The following CKAP2 variants were observed in gnomAD, a reference collection of about 807,000 sequenced individuals.
The protein encoded by CKAP2 is cytoskeleton-associated protein 2.
CKAP2 carries 46 observed loss-of-function variants against 58.4 expected under a neutral mutation model. The ratio of observed to expected loss-of-function variants is 0.79; its 90% confidence interval spans 0.62 to 1.01. The LOEUF (loss-of-function observed/expected upper bound fraction) is 1.01, where lower values mean the gene tolerates loss of function less well. Ranked by LOEUF, CKAP2 falls within the 50% of genes least tolerant of loss-of-function variation. CKAP2 has a pLI of 0.00. For synonymous variants in CKAP2, 293 were observed against 280.9 expected (o/e 1.04, Z -0.43); for missense variants, 809 against 796.4 (o/e 1.02, Z -0.19).
At chr13:52,459,995 G>C (rs1286700938) in intron 2 of CKAP2, among the ~76,000 whole-genome samples, 1 of 151,880 alleles carries the variant, frequency 6.6e-6, no homozygotes, top group East Asian at 1.9e-4. Context: ...AAGTAGCTGG[G>C]ACTATGGCAC....
At chr13:52,456,164 A>T (rs540983410) in intron 1 of CKAP2, 1 of 1,046,122 alleles carries the variant, frequency 9.6e-7, no homozygotes, top group South Asian at 4.2e-5. Context: ...AGTAATTCTC[A>T]TCTAACCCAG....
chr13:52,455,643 CGGTGGCGGTGGCGGT>C lies in CKAP2; in HGVS notation c.70+20_70+34del, dbSNP rs1958464441. 5 of 236,822 alleles carry C rather than the reference CGGTGGCGGTGGCGGT, an allele frequency of 2.1e-5. No homozygotes were observed. The highest frequency in any genetic ancestry group is 2.0e-5 in the Non-Finnish European group (3 of 150,054). 14.7% of individuals were successfully genotyped at this position (236,822 alleles called of 1,614,324 possible). A position where few individuals can be genotyped will look rare whatever the true frequency, so the allele number is the denominator to read the frequency against. ...CATTCAAAGGTGAAGGCCGCGGTGG[CGGTGGCGGTGGCGGT>C]GGCGGTGGCGGTGGCGGGCGCGGGC... On this transcript the variant is annotated intron_variant, in intron 1 of 8. Transcript: ENST00000258607.
At chr13:52,455,911 G>GGTCGGT (rs1958470895) in intron 1 of CKAP2, 1 of 1,144,484 alleles carries the variant, frequency 8.7e-7, no homozygotes. Context: ...CTCAGGCCGG[G>GGTCGGT]GTCGGTGTCG....
chr13:52,465,555 A>T, intron 6 of CKAP2, 90 bp downstream of exon 6: 1 of 1,208,136 alleles, frequency 8.3e-7, no homozygotes. Context: ...ACTTGAGAAA[A>T]TTTTCTTTGT....
chr13:52,465,936 T>TATATATACACATATATATGCACAC (rs1224405977), intron 6 of CKAP2: 16 of 303,492 alleles, frequency 5.3e-5, no homozygotes, highest in African/African-American at 3.5e-4. Context: ...TATACACACA[T>TATATATACACATATATATGCACAC]ATATATACAC....
At chr13:52,472,677 T>C (rs1256067062) in intron 7 of CKAP2, among the ~76,000 whole-genome samples, 1 of 152,212 alleles carries the variant, frequency 6.6e-6, no homozygotes, top group African/African-American at 2.4e-5. Flanking sequence ...TTTATGACTC[T>C]TAAGAAATGT....
chr13:52,459,925 C>T (rs750880140), intron 2 of CKAP2, among the ~76,000 whole-genome samples: 9 of 152,102 alleles, frequency 5.9e-5, no homozygotes, highest in East Asian at 1.9e-4. Flanking sequence ...AGTGCAGTGA[C>T]GGGATCTTGG....
At chr13:52,458,188 G>A (rs9536080) in intron 2 of CKAP2, among the ~76,000 whole-genome samples, 6,039 of 152,196 alleles carry the variant, frequency 0.04, 138 homozygotes, top group South Asian at 0.07. Context: ...AATGAATGGT[G>A]ATAACCGTAT....
At chr13:52,474,206 A>G in intron 8 of CKAP2, 122 bp downstream of exon 8, 1 of 1,013,162 alleles carries the variant, frequency 9.9e-7, no homozygotes, top group Non-Finnish European at 1.4e-6. Flanking sequence ...AAATTTCAGT[A>G]CGGGCATGGT....
In CKAP2 at chr13:52,461,608, G is replaced by T; in HGVS notation, c.782G>T (p.Ser261Ile). 6.2e-7 allele frequency: 1 copy of T among 1,614,144 alleles called. No homozygotes were observed. Among genetic ancestry groups the T allele is most frequent in the Non-Finnish European group, 8.5e-7 (1 of 1,180,030 alleles). The change falls in exon 4 of 9, where the codon AGT becomes ATT. Residue 261 changes from serine to isoleucine, a missense_variant. Around this residue, in one of 3 missense-constraint regions of CKAP2, gnomAD observed 523 missense variants for 492.4 expected, o/e 1.06. Coordinates refer to ENST00000258607, the MANE Select transcript of CKAP2 (RefSeq NM_018204.5). The part of the protein sequence containing the change: ...LVRPPIRSHH[S>I]NTRDTVKQGI... ...CGACCTCCTATTAGAAGTCATCACA[G>T]TAATACCCGGGACACTGTGAAACAA...
In CKAP2 at chr13:52,475,461, G is replaced by T; in HGVS notation, c.*320G>T. ...GTTCACTTTACTAAATATAAGTACA[G>T]TAATGATGCATAATTAGAAAATGAG... On this transcript the variant is annotated 3_prime_UTR_variant, in exon 9 of 9. Coordinates refer to ENST00000258607, the MANE Select transcript of CKAP2 (RefSeq NM_018204.5). The T allele has an allele frequency of 4.9e-6, 1 of 202,504 alleles. No homozygotes were observed. The highest frequency in any genetic ancestry group is 2.3e-5 in the African/African-American group (1 of 43,468). The allele number at this position is 202,504 out of a possible 1,614,324, so 12.5% of individuals were successfully genotyped here.
chr13:52,475,217 T>C lies in CKAP2; in HGVS notation c.*76T>C, dbSNP rs909812862. 1.0e-5 allele frequency: 16 copies of C among 1,546,318 alleles called. No individual in the cohort carries two copies. Among genetic ancestry groups the C allele is most frequent in the African/African-American group, 5.5e-5 (4 of 72,786 alleles). On this transcript the variant is annotated 3_prime_UTR_variant, in exon 9 of 9. Coordinates refer to ENST00000258607, the MANE Select transcript of CKAP2 (RefSeq NM_018204.5). ...TTTGTTTTGAGTAGCTTTATATTGC[T>C]CTTAGGTCTGGAGTTGGCCATGTAC...
chr13:52,462,694 T>A, intron 5 of CKAP2, 127 bp downstream of exon 5: 1 of 687,340 alleles, frequency 1.5e-6, no homozygotes, highest in Non-Finnish European at 2.4e-6. Flanking sequence ...GACTTAACAT[T>A]AACTGTGAGG....
At chr13:52,473,208 A>G (rs889986104) in intron 7 of CKAP2, among the ~76,000 whole-genome samples, 2 of 152,094 alleles carry the variant, frequency 1.3e-5, no homozygotes, top group African/African-American at 4.8e-5. Flanking sequence ...AGTCCTTTAC[A>G]TTGACCAAAT....
At position 52,461,515 on chromosome 13, in the gene CKAP2, A is replaced by G. The variant is rs770858731; in HGVS notation, c.689A>G (p.Asn230Ser). The G allele has an allele frequency of 2.5e-6, 4 of 1,614,084 alleles. No individual in the cohort carries two copies. In the African/African-American group the frequency reaches 4.0e-5, roughly 16 times the overall value. Residue 230 changes from asparagine (N) to serine (S), a missense_variant, in exon 4 of 9, where the codon AAT becomes AGT. Physicochemically the swap from Asn to Ser is conservative, Grantham distance 46. Transcript: ENST00000258607. ...ACCAGCAGTGTAACAGTGAAAAGTA[A>G]TAGATCCTCCAATATGACTGCCACT... is the stretch of plus-strand genomic sequence containing the variant. ...VNTSSVTVKS[N>S]RSSNMTATTK...
chr13:52,471,620 A>C lies in CKAP2; in HGVS notation c.1547-2209A>C, dbSNP rs114744643. Among the ~76,000 whole-genome samples the C allele has an allele frequency of 7.4e-3, 1,126 of 152,156 alleles. 6 individuals carry two copies. Among genetic ancestry groups the C allele is most frequent in the African/African-American group, 0.017 (703 of 41,516 alleles). ...ACATAATTTTCCCCTAAACCTGATT[A>C]TTCTTTTAGTTCTCTGTCTTAATGA... On this transcript the variant is annotated intron_variant, in intron 7 of 8. Transcript: ENST00000258607.
Position 52,467,623 on chromosome 13 carries a change from C to A in CKAP2, c.1477-655C>A, listed in dbSNP as rs191646413. ...ACTCGAGAGGCTGAGGCAAGAGAAT[C>A]ATTTGAACCTGGGAGGCTGAGGTTA... On this transcript the variant is annotated intron_variant, in intron 6 of 8. Transcript: ENST00000258607. 1.8e-3 allele frequency among the ~76,000 whole-genome samples: 273 copies of A among 152,046 alleles called. 1 individual carries two copies. The highest frequency in any genetic ancestry group is 3.3e-3 in the Non-Finnish European group (221 of 67,972).
chr13:52,476,540 A>G lies in CKAP2; in HGVS notation c.*1399A>G, dbSNP rs1958831954. 6.6e-6 allele frequency: 1 copy of G among 152,166 alleles called. No homozygotes were observed. The highest frequency in any genetic ancestry group is 2.1e-4 in the South Asian group (1 of 4,828). The allele number at this position is 152,166 out of a possible 1,614,324, so 9.4% of individuals were successfully genotyped here. ...ACATAAACTTTACCTAATTTTTTTC[A>G]CTTTAACAAAAACATAACTATGCCC... On this transcript the variant is annotated 3_prime_UTR_variant, in exon 9 of 9. Coordinates refer to ENST00000258607, the MANE Select transcript of CKAP2 (RefSeq NM_018204.5).
At position 52,475,822 on chromosome 13, in the gene CKAP2, A is replaced by G. The variant is rs1958821344; in HGVS notation, c.*681A>G. Reference sequence around the variant, plus strand: ...ACCAAGAAGGTTTACTTAATTAAATACCGCATTTCTAAGAGAAGATACTTT... The same window carrying G: ...ACCAAGAAGGTTTACTTAATTAAATGCCGCATTTCTAAGAGAAGATACTTT... On this transcript the variant is annotated 3_prime_UTR_variant, in exon 9 of 9. Coordinates refer to ENST00000258607, the MANE Select transcript of CKAP2 (RefSeq NM_018204.5). 6.6e-6 allele frequency: 1 copy of G among 152,214 alleles called. No homozygotes were observed. The highest frequency in any genetic ancestry group is 1.5e-5 in the Non-Finnish European group (1 of 68,032). The allele number at this position is 152,214 out of a possible 1,614,324, so 9.4% of individuals were successfully genotyped here.
Sources: gnomAD v4.1 joint callset for allele counts (sites outside exome capture counted in the v4.1 genomes callset) on GRCh38, gnomAD v4.1.1 for gene constraint, gnomAD v4.1.1 regional missense constraint, MANE v1.5 for transcripts, NCBI Gene and HGNC (gene_info 2026-07-23, HGNC 2026-07-21) for gene names.